The following DOCK1 variants were observed in gnomAD, a reference collection of about 807,000 sequenced individuals.
DOCK1 encodes dedicator of cytokinesis protein 1.
A neutral mutation model predicts 262.7 loss-of-function variants in DOCK1; 138 were observed. That is an observed-to-expected ratio of 0.53 (90% CI 0.46 to 0.61). The LOEUF (loss-of-function observed/expected upper bound fraction) is 0.61. Among genes scored for constraint, DOCK1 ranks in the 20% least tolerant of loss-of-function variants. DOCK1 has a pLI of 0.00. For synonymous variants in DOCK1, 866 were observed against 867.4 expected, an observed-to-expected ratio of 1.00 and a Z score of 0.03; for missense variants, 1,908 against 2,370.7, an observed-to-expected ratio of 0.80 and a Z score of 4.05.
intron 51 of DOCK1, 149 bp from the exon 52 acceptor site, chr10:127,451,183 G>A (rs888963627): frequency 5.9e-6 from 5 of 846,236 alleles, no homozygotes; most frequent in African/African-American, 1.7e-5. Flanking sequence ...AGACCTGCCA[G>A]CCCCAAGTCG....
Position 127,100,876 on chromosome 10 carries a change from C to T in DOCK1, c.2446-5355C>T, listed in dbSNP as rs1196158871. ...GAGGAGGGGTCGTGTGGGAAGTGGACGCAGGCCTTGCCCACACTGTGGGGT... is the reference window on the plus strand; with the variant it reads ...GAGGAGGGGTCGTGTGGGAAGTGGATGCAGGCCTTGCCCACACTGTGGGGT... On this transcript the variant is annotated intron_variant, in intron 23 of 51. Transcript: ENST00000623213. This position sits in a 1 kb window ranked among gnomAD's most constrained non-coding sequence, Gnocchi z 5.5. Among the ~76,000 whole-genome samples the T allele has an allele frequency of 1.3e-5, 2 of 152,016 alleles. No homozygotes were observed. Among genetic ancestry groups the T allele is most frequent in the African/African-American group, 2.4e-5 (1 of 41,390 alleles).
At chr10:127,163,798 C>G (rs1464503713) in intron 27 of DOCK1, among the ~76,000 whole-genome samples, 1 of 149,456 alleles carries the variant, frequency 6.7e-6, no homozygotes, top group East Asian at 1.9e-4. Context: ...ATAAAGCCTT[C>G]CTTTTTTTTT....
At chr10:126,951,671 TAGTA>T (rs1364641492) in intron 1 of DOCK1, among the ~76,000 whole-genome samples, 1 of 151,868 alleles carries the variant, frequency 6.6e-6, no homozygotes, top group African/African-American at 2.4e-5. Context: ...ATGGTAGTAG[TAGTA>T]AGTATTGTTG....
At chr10:127,215,409 G>T (rs966323143) in intron 27 of DOCK1, among the ~76,000 whole-genome samples, 2 of 152,168 alleles carry the variant, frequency 1.3e-5, no homozygotes, top group African/African-American at 2.4e-5. Flanking sequence ...TGAAAGGAGG[G>T]TCTCTGTTAC....
chr10:126,925,575 G>C (rs986162339), intron 1 of DOCK1, among the ~76,000 whole-genome samples: 8 of 152,064 alleles, frequency 5.3e-5, no homozygotes, highest in African/African-American at 1.7e-4. Context: ...ATAGAGACGG[G>C]ATTTCACCAT....
At chr10:127,304,904 C>CA (rs2061817943) in intron 29 of DOCK1, among the ~76,000 whole-genome samples, 1 of 152,050 alleles carries the variant, frequency 6.6e-6, no homozygotes, top group African/African-American at 2.4e-5. Context: ...ACAACAACAA[C>CA]AAAAAAACTC....
chr10:127,374,169 C>T lies in DOCK1; in HGVS notation c.3630C>T (p.His1210=), dbSNP rs769185303. Residue 1210 remains histidine, a synonymous_variant, in exon 35 of 52, where the codon CAC becomes CAT. Coordinates refer to ENST00000623213, the MANE Select transcript of DOCK1 (RefSeq NM_001290223.2). ...ERLLDYRTIM[H]DENKENRMSC... The stretch of plus-strand genomic sequence containing the variant: ...TTTTGGATTATAGAACCATCATGCA[C>T]GACGAGAACAAAGAAAACCGCATGA... The T allele has an allele frequency of 3.2e-5, 52 of 1,613,414 alleles. No homozygotes were observed. Among genetic ancestry groups the T allele is most frequent in the South Asian group, 4.4e-5 (4 of 90,902 alleles).
At chr10:127,170,935 A>G (rs2054517310) in intron 27 of DOCK1, among the ~76,000 whole-genome samples, 1 of 152,232 alleles carries the variant, frequency 6.6e-6, no homozygotes, top group Non-Finnish European at 1.5e-5. Flanking sequence ...GTGTTTTACA[A>G]GGGACTAAAA....
At chr10:127,069,705 G>A (rs1358969050) in intron 23 of DOCK1, among the ~76,000 whole-genome samples, 1 of 152,116 alleles carries the variant, frequency 6.6e-6, no homozygotes, top group African/African-American at 2.4e-5. Context: ...TTGGGCAGCT[G>A]AGGCTGGCAA....
intron 25 of DOCK1, among the ~76,000 whole-genome samples, chr10:127,110,694 G>T (rs953967805): frequency 2.6e-5 from 4 of 152,192 alleles, no homozygotes; most frequent in African/African-American, 9.6e-5. Context: ...GCAAGGAAAA[G>T]AATTCGAGTT....
intron 40 of DOCK1, 124 bp from the exon 41 acceptor site, chr10:127,408,910 AGTT>A (rs2067680283): frequency 7.8e-7 from 1 of 1,284,066 alleles, no homozygotes; most frequent in Non-Finnish European, 1.0e-6. Flanking sequence ...AAAAATTACA[AGTT>A]GTTCTTAAAT....
chr10:127,249,018 C>A (rs573447592), intron 28 of DOCK1, among the ~76,000 whole-genome samples: 1 of 152,130 alleles, frequency 6.6e-6, no homozygotes, highest in Non-Finnish European at 1.5e-5. Context: ...TGCCCCACCA[C>A]CCCCTGGTCC....
intron 27 of DOCK1, among the ~76,000 whole-genome samples, chr10:127,212,826 A>G (rs1486922228): frequency 1.3e-5 from 2 of 151,170 alleles, no homozygotes; most frequent in Non-Finnish European, 2.9e-5. Context: ...AAAAAAAAAA[A>G]GGATGGAGAA....
intron 27 of DOCK1, among the ~76,000 whole-genome samples, chr10:127,156,590 C>A (rs1282523817): frequency 3.6e-5 from 3 of 82,758 alleles, no homozygotes; most frequent in African/African-American, 1.4e-4. Flanking sequence ...TTTTTGAGAC[C>A]AAGTTTCGCT....
chr10:127,149,466 C>T (rs1004693318), intron 27 of DOCK1, among the ~76,000 whole-genome samples: 2 of 152,174 alleles, frequency 1.3e-5, no homozygotes, highest in African/African-American at 4.8e-5. Flanking sequence ...TATGTACCGC[C>T]TCCCATGGCA....
chr10:127,125,599 G>A lies in DOCK1; in HGVS notation c.2749G>A (p.Val917Met), dbSNP rs575962615. The A allele has an allele frequency of 1.2e-5, 19 of 1,613,546 alleles. No individual in the cohort carries two copies. The highest frequency in any genetic ancestry group is 6.7e-5 in the African/African-American group (5 of 75,032). The change falls in exon 26 of 52, where the codon GTG becomes ATG. Residue 917 changes from valine to methionine, a missense_variant and splice_region_variant. Physicochemically the swap from Val to Met is conservative, Grantham distance 21 (BLOSUM62 1). Around this residue, in one of 9 missense-constraint regions of DOCK1, gnomAD observed 518 missense variants for 575.1 expected, o/e 0.90. Transcript: ENST00000623213. Reference protein sequence around the residue: ...HILEVLYRKDVGPTQRHVQII... With the variant: ...HILEVLYRKDMGPTQRHVQII... The stretch of plus-strand genomic sequence containing the variant: ...CCTGGAGGTGCTGTACAGGAAGGAC[G>A]TGGTGAGTGTTGGCTCTGTGCGTGA...
At chr10:127,253,830 A>G (rs2134890302) in intron 28 of DOCK1, among the ~76,000 whole-genome samples, 1 of 136,742 alleles carries the variant, frequency 7.3e-6, no homozygotes, top group South Asian at 2.5e-4. Flanking sequence ...AGCTAAGATT[A>G]TGCCACTGCA....
At chr10:127,445,139 C>G (rs935975867) in intron 50 of DOCK1, among the ~76,000 whole-genome samples, 2 of 152,152 alleles carry the variant, frequency 1.3e-5, no homozygotes, top group African/African-American at 4.8e-5. Context: ...TCAACTTACT[C>G]TAAGTGGCAG....
At chr10:126,963,149 C>A (rs952842388) in intron 1 of DOCK1, among the ~76,000 whole-genome samples, 4 of 152,144 alleles carry the variant, frequency 2.6e-5, no homozygotes, top group Admixed American at 6.5e-5. Flanking sequence ...GTATTGAAAT[C>A]GGGCCTCCAA....
Sources: allele counts gnomAD v4.1 joint callset (sites outside exome capture counted in the v4.1 genomes callset), GRCh38; gene constraint gnomAD v4.1.1; regional missense constraint gnomAD v4.1.1; non-coding constraint Gnocchi (gnomAD v3.1); transcripts MANE v1.5; gene names NCBI Gene and HGNC (gene_info 2026-07-23, HGNC 2026-07-21).